The following PNLIPRP3 variants were observed in gnomAD, a reference collection of about 807,000 sequenced individuals.
PNLIPRP3 encodes pancreatic lipase related protein 3.
In PNLIPRP3, 58 loss-of-function variants were observed where a neutral mutation model predicts 52.8. The observed-to-expected ratio is 1.10, with a 90% CI of 0.89 to 1.37. The LOEUF (loss-of-function observed/expected upper bound fraction) is 1.37. Among genes scored for constraint, PNLIPRP3 ranks in the 40% most tolerant of loss-of-function variants. The pLI, the probability that PNLIPRP3 is intolerant of heterozygous loss-of-function variation, is 0.00. For missense variants in PNLIPRP3, 593 were observed against 561.6 expected (o/e 1.06, Z -0.57); for synonymous variants, 192 against 185.0 (o/e 1.04, Z -0.31).
At chr10:116,429,871 T>C (rs1469934141) in intron 1 of PNLIPRP3, among the ~76,000 whole-genome samples, 13 of 152,118 alleles carry the variant, frequency 8.5e-5, no homozygotes, top group Admixed American at 8.5e-4. Context: ...ATCAGGAAGA[T>C]GAAGGCAAAC....
At chr10:116,451,205 A>G (rs1846031725) in intron 4 of PNLIPRP3, among the ~76,000 whole-genome samples, 1 of 152,204 alleles carries the variant, frequency 6.6e-6, no homozygotes, top group Non-Finnish European at 1.5e-5. Context: ...TGGCATTGGG[A>G]AAGCTGGATA....
chr10:116,458,915 T>G (rs1048566542), intron 5 of PNLIPRP3, among the ~76,000 whole-genome samples: 1 of 152,208 alleles, frequency 6.6e-6, no homozygotes, highest in African/African-American at 2.4e-5. Context: ...TTAGGGTTCA[T>G]TCTCTCCTTG....
chr10:116,473,251 A>G (rs1846402851), intron 10 of PNLIPRP3, among the ~76,000 whole-genome samples: 1 of 152,204 alleles, frequency 6.6e-6, no homozygotes, highest in African/African-American at 2.4e-5. Context: ...CTAAATTTGT[A>G]TGCTGGTTTA....
At chr10:116,440,695 G>T (rs1845845513) in intron 2 of PNLIPRP3, among the ~76,000 whole-genome samples, 1 of 152,258 alleles carries the variant, frequency 6.6e-6, no homozygotes, top group Non-Finnish European at 1.5e-5. Context: ...GGAGGTCACA[G>T]GTCTTTACAG....
chr10:116,467,088 A>G (rs999613929), intron 8 of PNLIPRP3, among the ~76,000 whole-genome samples: 3 of 152,180 alleles, frequency 2.0e-5, no homozygotes, highest in African/African-American at 7.2e-5. Context: ...GTCTTTGTAT[A>G]TTTGGAGATA....
At chr10:116,474,676 A>G (rs1846431129) in intron 10 of PNLIPRP3, among the ~76,000 whole-genome samples, 1 of 152,176 alleles carries the variant, frequency 6.6e-6, no homozygotes, top group Non-Finnish European at 1.5e-5. Context: ...AGACATATGC[A>G]TGGCCATCAA....
intron 7 of PNLIPRP3, among the ~76,000 whole-genome samples, chr10:116,462,967 T>C: frequency 6.6e-6 from 1 of 152,200 alleles, no homozygotes; most frequent in African/African-American, 2.4e-5. Context: ...TACTTAAATT[T>C]ATTACTAACA....
intron 7 of PNLIPRP3, among the ~76,000 whole-genome samples, chr10:116,463,743 A>G (rs1361235383): frequency 6.6e-6 from 1 of 152,208 alleles, no homozygotes; most frequent in Non-Finnish European, 1.5e-5. Flanking sequence ...GCATATGCTA[A>G]AACCAAAATC....
intron 4 of PNLIPRP3, among the ~76,000 whole-genome samples, chr10:116,447,286 A>G (rs1475880438): frequency 1.3e-5 from 2 of 152,160 alleles, no homozygotes; most frequent in African/African-American, 4.8e-5. Context: ...GACCAGCACA[A>G]AGTTTTGACA....
At chr10:116,444,325 C>T (rs1845910434) in intron 3 of PNLIPRP3, 57 bp from the exon 4 acceptor site, 8 of 1,419,402 alleles carry the variant, frequency 5.6e-6, no homozygotes, top group Non-Finnish European at 7.6e-6. Context: ...AGTGTTGAGA[C>T]ACGTCGGTTT....
At chr10:116,455,289 T>C (rs762068376) in intron 4 of PNLIPRP3, among the ~76,000 whole-genome samples, 15 of 152,202 alleles carry the variant, frequency 9.9e-5, no homozygotes, top group Non-Finnish European at 1.9e-4. Flanking sequence ...AAAACCAAAG[T>C]TATCCCATAC....
intron 1 of PNLIPRP3, among the ~76,000 whole-genome samples, chr10:116,433,357 A>T (rs1022906829): frequency 2.0e-5 from 3 of 152,146 alleles, no homozygotes; most frequent in African/African-American, 7.2e-5. Flanking sequence ...TTACAAATAA[A>T]TAAGCAAAAA....
Position 116,461,297 on chromosome 10 carries a change from A to T in PNLIPRP3, c.808+7A>T. The T allele has an allele frequency of 1.2e-6, 2 of 1,610,124 alleles. No individual in the cohort carries two copies. The highest frequency in any genetic ancestry group is 1.7e-5 in the Admixed American group (1 of 60,018). On this transcript the variant is annotated splice_region_variant and intron_variant, in intron 7 of 11. Transcript: ENST00000369230. ...TTCAATGCTTACAAAAAAGGTAAATACTTTCTAAACTATGAATGCTACTGA... is the reference window on the plus strand; with the variant it reads ...TTCAATGCTTACAAAAAAGGTAAATTCTTTCTAAACTATGAATGCTACTGA...
Position 116,437,086 on chromosome 10 carries a change from T to C in PNLIPRP3, c.204+221T>C, listed in dbSNP as rs111387316. ...AAATATGAAGATTGCTCTTATGTTA[T>C]TTCATAACAGGTAAACTTGATATTA... On this transcript the variant is annotated intron_variant, in intron 2 of 11. Transcript: ENST00000369230. Among the ~76,000 whole-genome samples the C allele has an allele frequency of 1.1e-3, 168 of 152,334 alleles. 2 individuals carry two copies. Among genetic ancestry groups the C allele is most frequent in the African/African-American group, 3.7e-3 (155 of 41,580 alleles).
chr10:116,452,463 T>C (rs1846052677), intron 4 of PNLIPRP3, among the ~76,000 whole-genome samples: 1 of 152,142 alleles, frequency 6.6e-6, no homozygotes, highest in Non-Finnish European at 1.5e-5. Flanking sequence ...GGGAGCTGGG[T>C]GCTACTATCC....
intron 4 of PNLIPRP3, among the ~76,000 whole-genome samples, chr10:116,454,799 G>A (rs1425783916): frequency 1.3e-5 from 2 of 152,200 alleles, no homozygotes; most frequent in Non-Finnish European, 2.9e-5. Flanking sequence ...GATGGACACA[G>A]GTTGATTCCA....
chr10:116,431,697 A>C (rs1457444819), intron 1 of PNLIPRP3, among the ~76,000 whole-genome samples: 1 of 152,214 alleles, frequency 6.6e-6, no homozygotes, highest in Non-Finnish European at 1.5e-5. Flanking sequence ...GAACAAGCCC[A>C]AAAGCAACTA....
Position 116,461,030 on chromosome 10 carries a change from T to C in PNLIPRP3, c.630T>C (p.Asp210=), listed in dbSNP as rs141556677. The C allele has an allele frequency of 5.6e-5, 91 of 1,613,960 alleles. No individual in the cohort carries two copies. The highest frequency in any genetic ancestry group is 7.6e-5 in the Non-Finnish European group (90 of 1,180,040). The stretch of plus-strand genomic sequence containing the variant: ...AGGAAGTCAGGCTAGACCCCTCGGA[T>C]GCCAACTTTGTTGACGTTATTCATA... ...TPKEVRLDPS[D]ANFVDVIHTN... The change falls in exon 6 of 12, where the codon GAT becomes GAC. Residue 210 remains aspartate, a synonymous_variant. Transcript: ENST00000369230.
At chr10:116,434,978 T>C (rs1162805959) in intron 1 of PNLIPRP3, among the ~76,000 whole-genome samples, 2 of 152,120 alleles carry the variant, frequency 1.3e-5, no homozygotes, top group African/African-American at 4.8e-5. Context: ...GATCCAAATA[T>C]GGAGTAACCT....
Sources: allele counts gnomAD v4.1 joint callset (sites outside exome capture counted in the v4.1 genomes callset), GRCh38; gene constraint gnomAD v4.1.1; transcripts MANE v1.5; gene names NCBI Gene and HGNC (gene_info 2026-07-23, HGNC 2026-07-21).